Variants in GCC2 observed in about 807,000 individuals in gnomAD.
GCC2 encodes GRIP and coiled-coil domain-containing protein 2.
GCC2 carries 120 observed loss-of-function variants against 210.6 expected under a neutral mutation model. The observed-to-expected ratio is 0.57, with a 90% CI of 0.49 to 0.66. The LOEUF (loss-of-function observed/expected upper bound fraction) is 0.66, where lower values mean the gene tolerates loss of function less well. Ranked by LOEUF, GCC2 falls within the 30% of genes least tolerant of loss-of-function variation. The pLI is 0.00. For missense variants in GCC2, 1,868 were observed against 1,871.9 expected, an observed-to-expected ratio of 1.00 and a Z score of 0.04; for synonymous variants, 703 against 652.7, an observed-to-expected ratio of 1.08 and a Z score of -1.17.
At chr2:108,452,245 A>G (rs1012524507) in intron 3 of GCC2, among the ~76,000 whole-genome samples, 154 bp from the exon 4 acceptor site, 11 of 152,218 alleles carry the variant, frequency 7.2e-5, no homozygotes, top group Non-Finnish European at 1.5e-4. Flanking sequence ...ATGCTGAAGT[A>G]TAGTGATGAG....
intron 4 of GCC2, among the ~76,000 whole-genome samples, chr2:108,454,823 C>G (rs1248562824): frequency 1.3e-5 from 2 of 152,006 alleles, no homozygotes; most frequent in South Asian, 2.1e-4. Flanking sequence ...GCACATAGAA[C>G]TGGGTTGGTC....
chr2:108,486,545 A>C lies in GCC2; in HGVS notation c.3827A>C (p.Lys1276Thr). 6.2e-7 allele frequency: 1 copy of C among 1,614,154 alleles called. No homozygotes were observed. The highest frequency in any genetic ancestry group is 1.7e-5 in the Admixed American group (1 of 60,024). Residue 1276 changes from lysine (K) to threonine (T), a missense_variant, in exon 16 of 23, where the codon AAA (lysine) becomes ACA (threonine). This residue lies in a region of GCC2 where 1,847 missense variants were observed against 1,765.2 expected (regional missense o/e 1.05). Transcript: ENST00000309863. ...GCTGAAATAACATCAGAGAAGCACA[A>C]AATCCACGAGCACCTGAAAACCTCT... ...QLAEITSEKH[K>T]IHEHLKTSAE...
chr2:108,487,186 A>G (rs1369257059), intron 16 of GCC2, among the ~76,000 whole-genome samples: 1 of 152,226 alleles, frequency 6.6e-6, no homozygotes, highest in African/African-American at 2.4e-5. Flanking sequence ...TTTCTGAGTT[A>G]ATTTTTCTCA....
intron 2 of GCC2, chr2:108,450,093 A>G (rs1679846803): frequency 6.0e-6 from 1 of 165,458 alleles, no homozygotes; most frequent in African/African-American, 2.4e-5. Context: ...TTTAACATTC[A>G]ATCATTCTAA....
chr2:108,472,164 C>T (rs1196968696), intron 6 of GCC2, 48 bp downstream of exon 6: 8 of 1,283,858 alleles, frequency 6.2e-6, no homozygotes, highest in Non-Finnish European at 8.5e-6. Context: ...CTTAGTTCAA[C>T]TCTACAATAT....
At position 108,489,904 on chromosome 2, in the gene GCC2, G is replaced by C. The variant is rs1682326779; in HGVS notation, c.4119G>C (p.Gln1373His). ...IKLQDSQNNL[Q>H]INVSELQTLQ... ...TACAAGATAGCCAAAATAACTTACAGATTAATGTATCTGAACTTCAAACAT... is the reference window on the plus strand; with the variant it reads ...TACAAGATAGCCAAAATAACTTACACATTAATGTATCTGAACTTCAAACAT... The change falls in exon 18 of 23, where the codon CAG becomes CAC. Residue 1373 changes from glutamine (Q) to histidine (H), a missense_variant. By Grantham distance (24) the Gln-to-His change is conservative. Around this residue, in one of 3 missense-constraint regions of GCC2, gnomAD observed 1,847 missense variants for 1,765.2 expected, o/e 1.05. Coordinates refer to ENST00000309863, the MANE Select transcript of GCC2 (RefSeq NM_181453.4). The C allele has an allele frequency of 6.2e-7, 1 of 1,610,790 alleles. No homozygotes were observed. The highest frequency in any genetic ancestry group is 8.5e-7 in the Non-Finnish European group (1 of 1,178,228).
At chr2:108,494,402 T>G (rs578148991) in intron 19 of GCC2, 203 of 152,254 alleles carry the variant, frequency 1.3e-3, no homozygotes, top group Non-Finnish European at 2.4e-3. Flanking sequence ...ATACAGTTTA[T>G]CAGCAAACAG....
chr2:108,469,317 C>CT, intron 5 of GCC2: 1 of 419,836 alleles, frequency 2.4e-6, no homozygotes, highest in Non-Finnish European at 4.2e-6. Context: ...GCCATCTTTA[C>CT]TAAAAGCGAA....
intron 4 of GCC2, among the ~76,000 whole-genome samples, chr2:108,464,625 C>T (rs1680779404): frequency 6.6e-6 from 1 of 152,210 alleles, no homozygotes; most frequent in Admixed American, 6.5e-5. Flanking sequence ...TTTCTCTCTT[C>T]TCCCAGCCAA....
At position 108,509,021 on chromosome 2, in the gene GCC2, C is replaced by G. The variant is rs1412906767; in HGVS notation, c.*1391C>G. Reference sequence around the variant, plus strand: ...TGAGTTTGTTCTTTAAAAAATAGCTCATATATCTCATCTTTCCTCCTGTCT... The same window carrying G: ...TGAGTTTGTTCTTTAAAAAATAGCTGATATATCTCATCTTTCCTCCTGTCT... On this transcript the variant is annotated 3_prime_UTR_variant, in exon 23 of 23. Transcript: ENST00000309863. 7 of 152,592 alleles carry G rather than the reference C, an allele frequency of 4.6e-5. No individual in the cohort carries two copies. In the East Asian group the frequency reaches 1.3e-3, roughly 29 times the overall value. The allele number at this position is 152,592 out of a possible 1,614,324, so 9.5% of individuals were successfully genotyped here. A position where few individuals can be genotyped will look rare whatever the true frequency, so the allele number is the denominator to read the frequency against.
intron 22 of GCC2, among the ~76,000 whole-genome samples, chr2:108,503,160 G>A (rs1683012269): frequency 7.6e-6 from 1 of 131,454 alleles, no homozygotes; most frequent in African/African-American, 2.5e-5. Flanking sequence ...AAAATCTCAA[G>A]CAGTATTAAA....
rs1351353755 is a variant in GCC2 at position 108,465,325 on chromosome 2, C to T, written c.217-3655C>T. Reference sequence around the variant, plus strand: ...GCCACCTTTTGAAGCCCTCTCCTAACCTTGATCTCAGAGTATTGATTTTTT... The same window carrying T: ...GCCACCTTTTGAAGCCCTCTCCTAATCTTGATCTCAGAGTATTGATTTTTT... On this transcript the variant is annotated intron_variant, in intron 4 of 22. Transcript: ENST00000309863. Among the ~76,000 whole-genome samples the T allele has an allele frequency of 6.6e-5, 10 of 152,296 alleles. No individual in the cohort carries two copies. The East Asian group carries it at 1.9e-3, about 29-fold the overall frequency.
intron 19 of GCC2, chr2:108,493,448 C>A: frequency 2.0e-6 from 2 of 986,358 alleles, no homozygotes; most frequent in Non-Finnish European, 2.4e-6. Flanking sequence ...TGTTAGACAT[C>A]AAATTTGTCT....
chr2:108,496,566 A>T, intron 20 of GCC2: 2 of 231,630 alleles, frequency 8.6e-6, no homozygotes, highest in Non-Finnish European at 1.7e-5. Context: ...AATGATACCT[A>T]CCCCGCCTGA....
intron 9 of GCC2, among the ~76,000 whole-genome samples, chr2:108,478,859 A>T (rs1335194555): frequency 1.3e-5 from 2 of 152,326 alleles, no homozygotes; most frequent in African/African-American, 4.8e-5. Context: ...CTTTCTATGG[A>T]AAAGAAAAGA....
intron 21 of GCC2, among the ~76,000 whole-genome samples, chr2:108,498,204 T>A: frequency 7.6e-6 from 1 of 131,890 alleles, no homozygotes. Flanking sequence ...TTTTTTTTTT[T>A]TTTTTTTTTG....
intron 22 of GCC2, among the ~76,000 whole-genome samples, chr2:108,505,336 T>G (rs1007628995): frequency 2.0e-5 from 3 of 152,328 alleles, no homozygotes; most frequent in South Asian, 2.1e-4. Flanking sequence ...CTAAGCAATA[T>G]CGCTTCCTCC....
At position 108,471,221 on chromosome 2, in the gene GCC2, T is replaced by C. The variant is rs1448191708; in HGVS notation, c.1892T>C (p.Val631Ala). The C allele has an allele frequency of 6.2e-7, 1 of 1,606,274 alleles. No individual in the cohort carries two copies. Among genetic ancestry groups the C allele is most frequent in the Admixed American group, 1.7e-5 (1 of 58,330 alleles). The change falls in exon 6 of 23, where the codon GTA (valine) becomes GCA (alanine). Residue 631 changes from valine (V) to alanine (A), a missense_variant. Transcript: ENST00000309863. ...TTGATTCTTGAACTTGGGAAGAAAG[T>C]AGAGCAAACAATCCAGTACAACAGT... ...ERLILELGKK[V>A]EQTIQYNSEL...
chr2:108,500,536 A>T (rs1324165425), intron 22 of GCC2, among the ~76,000 whole-genome samples: 1 of 152,198 alleles, frequency 6.6e-6, no homozygotes, highest in Non-Finnish European at 1.5e-5. Context: ...AACAAAAAAA[A>T]ACTATGATGT....
Sources: gnomAD v4.1 joint callset for allele counts (sites outside exome capture counted in the v4.1 genomes callset) on GRCh38, gnomAD v4.1.1 for gene constraint, gnomAD v4.1.1 regional missense constraint, MANE v1.5 for transcripts, NCBI Gene and HGNC (gene_info 2026-07-23, HGNC 2026-07-21) for gene names.